Variants in FREM1 observed in about 807,000 individuals in gnomAD.
The protein encoded by FREM1 is FRAS1-related extracellular matrix protein 1.
Under a neutral mutation model 210.1 loss-of-function variants are expected in FREM1, and 220 were observed. That is an observed-to-expected ratio of 1.05 (90% CI 0.94 to 1.17). The LOEUF (loss-of-function observed/expected upper bound fraction) is 1.17, where lower values mean the gene tolerates loss of function less well. FREM1 is among the 50% of genes most tolerant of loss of function. The pLI is 0.00. For missense variants in FREM1, 3,454 were observed against 2,675.5 expected (o/e 1.29, Z -6.42); for synonymous variants, 1,189 against 980.2 (o/e 1.21, Z -3.98).
chr9:14,808,997 C>T (rs551846513), intron 16 of FREM1, among the ~76,000 whole-genome samples: 19 of 152,314 alleles, frequency 1.2e-4, no homozygotes, highest in South Asian at 1.0e-3. Context: ...GTTGTTCCCC[C>T]GCTCAAATCT....
At chr9:14,909,102 T>G (rs572562608) in intron 1 of FREM1, among the ~76,000 whole-genome samples, 21 of 152,216 alleles carry the variant, frequency 1.4e-4, no homozygotes, top group Admixed American at 7.2e-4. Context: ...TCCAGTAAGA[T>G]TCCCAGGCTA....
At chr9:14,761,790 C>T (rs7858690) in intron 27 of FREM1, among the ~76,000 whole-genome samples, 26,095 of 152,154 alleles carry the variant, frequency 0.17, 2,841 homozygotes, top group Non-Finnish European at 0.24. Context: ...CACTCTGTAG[C>T]TGGCTTGGTT....
At chr9:14,861,553 C>T (rs1830596072) in intron 3 of FREM1, among the ~76,000 whole-genome samples, 2 of 137,842 alleles carry the variant, frequency 1.5e-5, no homozygotes, top group Admixed American at 8.1e-5. Flanking sequence ...GTTGCCCAGG[C>T]TGGAGTGCAG....
intron 25 of FREM1, among the ~76,000 whole-genome samples, chr9:14,771,356 A>G (rs1475199633): frequency 6.6e-6 from 1 of 152,152 alleles, no homozygotes; most frequent in African/African-American, 2.4e-5. Context: ...AAATAGAGAT[A>G]CCTCAGTAAG....
At chr9:14,821,589 T>C (rs754842809) in intron 13 of FREM1, among the ~76,000 whole-genome samples, 5 of 152,212 alleles carry the variant, frequency 3.3e-5, no homozygotes, top group Non-Finnish European at 5.9e-5. Context: ...CCACCGGGAA[T>C]ATGATCTGGT....
At chr9:14,824,582 C>T (rs1821987936) in intron 11 of FREM1, among the ~76,000 whole-genome samples, 1 of 152,164 alleles carries the variant, frequency 6.6e-6, no homozygotes, top group Admixed American at 6.5e-5. Context: ...GCTGAAGACA[C>T]TACAAGCTGC....
At chr9:14,861,262 CATATACACATATATACATATAT>C (rs1830420805) in intron 3 of FREM1, among the ~76,000 whole-genome samples, 6 of 68,192 alleles carry the variant, frequency 8.8e-5, no homozygotes, top group African/African-American at 4.0e-4. Flanking sequence ...CATATATACA[CATATACACATATATACATATAT>C]ACATATATAC....
At position 14,767,846 on chromosome 9, in the gene FREM1, C is replaced by A. The variant is rs536655420; in HGVS notation, c.5204+1878G>T. ...CCAAATAAAACTTCTCTCTATATTA[C>A]CCCTTGGTAGGCATATGCCACAGCA... is the stretch of plus-strand genomic sequence containing the variant. On this transcript the variant is annotated intron_variant, in intron 27 of 36. Transcript: ENST00000380880. Among the ~76,000 whole-genome samples, 6 of 152,228 alleles carry A rather than the reference C, an allele frequency of 3.9e-5. No homozygotes were observed. In the East Asian group the frequency reaches 1.2e-3, roughly 29 times the overall value.
At chr9:14,742,762 G>T (rs770571157) in intron 35 of FREM1, among the ~76,000 whole-genome samples, 3 of 152,082 alleles carry the variant, frequency 2.0e-5, no homozygotes, top group Non-Finnish European at 4.4e-5. Flanking sequence ...ATATGTGTTT[G>T]CAGTGAGAGA....
Position 14,823,175 on chromosome 9 carries a change from G to A in FREM1, c.2322C>T (p.Asp774=). The change falls in exon 13 of 37, where the codon GAC becomes GAT. Residue 774 remains aspartate, a synonymous_variant. Transcript: ENST00000380880. ...TTGTACATACCTCAGGAACTTGATT[G>A]TCCACTGGGAGGATTGTAATGTTAA... ...ICFNITILPV[D]NQVPEAFTNP... is the part of the protein sequence containing the mutation. 1 of 1,613,598 alleles carries A rather than the reference G, an allele frequency of 6.2e-7. No homozygotes were observed. Among genetic ancestry groups the A allele is most frequent in the South Asian group, 1.1e-5 (1 of 91,060 alleles).
At chr9:14,900,555 G>C (rs1838598246) in intron 1 of FREM1, among the ~76,000 whole-genome samples, 1 of 152,096 alleles carries the variant, frequency 6.6e-6, no homozygotes, top group Admixed American at 6.5e-5. Context: ...CCAAAAGCAA[G>C]ACCCAGTGTG....
chr9:14,901,524 C>T (rs1038424721), intron 1 of FREM1, among the ~76,000 whole-genome samples: 1 of 151,812 alleles, frequency 6.6e-6, no homozygotes, highest in African/African-American at 2.4e-5. Context: ...TACTCAATAA[C>T]AAAAAATAAA....
chr9:14,884,955 C>T (rs75582888), intron 1 of FREM1, among the ~76,000 whole-genome samples: 9 of 111,500 alleles, frequency 8.1e-5, no homozygotes, highest in African/African-American at 2.4e-4. Context: ...GACGGAGTCT[C>T]GCTCTGTCGC....
At chr9:14,765,458 G>A (rs1846224358) in intron 27 of FREM1, among the ~76,000 whole-genome samples, 1 of 152,174 alleles carries the variant, frequency 6.6e-6, no homozygotes, top group Non-Finnish European at 1.5e-5. Flanking sequence ...CATGTAAAAT[G>A]ATTAAAATTA....
At chr9:14,795,479 G>A (rs1852201688) in intron 21 of FREM1, among the ~76,000 whole-genome samples, 1 of 152,158 alleles carries the variant, frequency 6.6e-6, no homozygotes, top group Admixed American at 6.5e-5. Context: ...AGCAGTTTCC[G>A]GGAGAAGGAA....
chr9:14,793,000 A>T (rs1007988404), intron 21 of FREM1, 116 bp from the exon 22 acceptor site: 1 of 653,390 alleles, frequency 1.5e-6, no homozygotes, highest in African/African-American at 1.8e-5. Flanking sequence ...ATGACATTCA[A>T]TATTCAAAGC....
Position 14,836,976 on chromosome 9 carries a change from A to T in FREM1, c.1881+4471T>A, listed in dbSNP as rs1824746462. Among the ~76,000 whole-genome samples the T allele has an allele frequency of 6.6e-6, 1 of 152,138 alleles. No homozygotes were observed. Among genetic ancestry groups the T allele is most frequent in the Non-Finnish European group, 1.5e-5 (1 of 68,016 alleles). On this transcript the variant is annotated intron_variant, in intron 10 of 36. Transcript: ENST00000380880. This position sits in a 1 kb window ranked among gnomAD's most constrained non-coding sequence, Gnocchi z 4.9. The stretch of plus-strand genomic sequence containing the variant: ...TTCGTCTTTTAAAGCATATCCGGAA[A>T]AGTTTCTTGTAAAGCCCCAGCTCTT...
chr9:14,852,357 C>G (rs1369925496), intron 5 of FREM1, among the ~76,000 whole-genome samples: 1 of 152,102 alleles, frequency 6.6e-6, no homozygotes, highest in Non-Finnish European at 1.5e-5. Context: ...AATTGTGCCA[C>G]AAGATCTAAG....
Position 14,869,029 on chromosome 9 carries a change from G to C in FREM1, c.-52C>G. 2 of 1,314,080 alleles carry C rather than the reference G, an allele frequency of 1.5e-6. No homozygotes were observed. Among genetic ancestry groups the C allele is most frequent in the Non-Finnish European group, 2.1e-6 (2 of 964,322 alleles). The allele number at this position is 1,314,080 out of a possible 1,614,324, so 81.4% of individuals were successfully genotyped here. A position where few individuals can be genotyped will look rare whatever the true frequency, so the allele number is the denominator to read the frequency against. On this transcript the variant is annotated 5_prime_UTR_variant, in exon 2 of 37. Coordinates refer to ENST00000380880, the MANE Select transcript of FREM1 (RefSeq NM_001379081.2). ...CCACCGGCGAAATCCCTTTAACAAAGGAGGGCTTCTGTGCTTCCTCCTGGA... is the reference window on the plus strand; with the variant it reads ...CCACCGGCGAAATCCCTTTAACAAACGAGGGCTTCTGTGCTTCCTCCTGGA...
Sources: gnomAD v4.1 joint callset for allele counts (sites outside exome capture counted in the v4.1 genomes callset) on GRCh38, gnomAD v4.1.1 for gene constraint, Gnocchi (gnomAD v3.1) non-coding constraint, MANE v1.5 for transcripts, NCBI Gene and HGNC (gene_info 2026-07-23, HGNC 2026-07-21) for gene names.